The following PLAU variants were observed in gnomAD, a reference collection of about 807,000 sequenced individuals.
PLAU encodes plasminogen activator, urokinase.
In PLAU, 32 loss-of-function variants were observed where a neutral mutation model predicts 48.9. That is an observed-to-expected ratio of 0.65 (90% CI 0.49 to 0.88). The LOEUF (loss-of-function observed/expected upper bound fraction) is 0.88. PLAU is among the 40% of genes least tolerant of loss of function. The pLI is 0.00. For synonymous variants in PLAU, 199 were observed against 205.7 expected (o/e 0.97, Z 0.28); for missense variants, 455 against 545.2 (o/e 0.83, Z 1.65).
At position 73,911,457 on chromosome 10, in the gene PLAU, T is replaced by C. The variant is rs1004997060; in HGVS notation, c.-31-68T>C. 4 of 1,465,864 alleles carry C rather than the reference T, an allele frequency of 2.7e-6. No homozygotes were observed. In the African/African-American group the frequency reaches 4.2e-5, roughly 15 times the overall value. The allele number at this position is 1,465,864 out of a possible 1,614,324, so 90.8% of individuals were successfully genotyped here. ...GTCACCGCGGGCATCTCCCCTGCGC[T>C]GCAGTCGCCCGCCTGGCCTGCCTTC... On this transcript the variant is annotated intron_variant, in intron 1 of 10. Transcript: ENST00000372764.
chr10:73,915,213 A>C (rs2096133940), intron 9 of PLAU, 38 bp from the exon 10 acceptor site: 1 of 1,592,274 alleles, frequency 6.3e-7, no homozygotes, highest in African/African-American at 1.3e-5. Flanking sequence ...TGGACAGATA[A>C]ATCTTGATGC....
chr10:73,915,698 C>T (rs2096135316), intron 10 of PLAU, among the ~76,000 whole-genome samples: 1 of 152,036 alleles, frequency 6.6e-6, no homozygotes, highest in Non-Finnish European at 1.5e-5. Context: ...ATCAGGTGTT[C>T]AGGAGAGGGA....
At chr10:73,908,885 G>A (rs2096119660), upstream of PLAU, among the ~76,000 whole-genome samples, 1 of 151,828 alleles carries the variant, frequency 6.6e-6, no homozygotes, top group Admixed American at 6.6e-5. Flanking sequence ...AATATGGCTG[G>A]GCGTGGTGGC....
At chr10:73,912,849 C>CAA (rs61567551) in intron 4 of PLAU, 75 bp from the exon 5 acceptor site, 36,081 of 1,007,696 alleles carry the variant, frequency 0.036, 1 homozygote, top group Non-Finnish European at 0.044. Context: ...GACTCCATCT[C>CAA]AAAAAAAAAA....
chr10:73,914,014 C>A lies in PLAU; in HGVS notation c.715C>A (p.Leu239Met). 1 of 1,613,880 alleles carries A rather than the reference C, an allele frequency of 6.2e-7. No homozygotes were observed. The change falls in exon 8 of 11, where the codon CTG becomes ATG. Residue 239 changes from leucine (L) to methionine (M), a missense_variant. By Grantham distance (15) the Leu-to-Met change is conservative (BLOSUM62 2). Coordinates refer to ENST00000372764, the MANE Select transcript of PLAU (RefSeq NM_002658.6). ...AAAGAAGGAGGACTACATCGTCTAC[C>A]TGGGTCGCTCAAGGCTTAACTCCAA... ...YPKKEDYIVY[L>M]GRSRLNSNTQ...
Position 73,916,563 on chromosome 10 carries a change from T to G in PLAU, c.1294T>G (p.Ter432GlyextTer51). 3.1e-6 allele frequency: 5 copies of G among 1,606,198 alleles called. No homozygotes were observed. Among genetic ancestry groups the G allele is most frequent in the Non-Finnish European group, 4.3e-6 (5 of 1,174,806 alleles). Residue 432 changes from the stop codon to glycine, a stop_lost, in exon 11 of 11, where the codon TGA (stop) becomes GGA (glycine). Coordinates refer to ENST00000372764, the MANE Select transcript of PLAU (RefSeq NM_002658.6). ...CAAGGAAGAGAATGGCCTGGCCCTC[T>G]GAGGGTCCCCAGGGAGGAAACGGGC... ...HTKEENGLAL[*>G]
At chr10:73,915,658 G>A (rs141806757) in intron 10 of PLAU, among the ~76,000 whole-genome samples, 1 of 152,324 alleles carries the variant, frequency 6.6e-6, no homozygotes, top group Non-Finnish European at 1.5e-5. Context: ...ATGTAACTCA[G>A]TGCCCAGGGT....
upstream of PLAU, chr10:73,911,069 CG>C (rs1341971216): frequency 6.4e-6 from 1 of 156,870 alleles, no homozygotes; most frequent in Non-Finnish European, 1.4e-5. Context: ...GGGAGCCGGG[CG>C]GGAGAGGGAG....
Position 73,912,572 on chromosome 10 carries a change from C to T in PLAU, c.193+250C>T, listed in dbSNP as rs554166865. On this transcript the variant is annotated intron_variant, in intron 4 of 10. Coordinates refer to ENST00000372764, the MANE Select transcript of PLAU (RefSeq NM_002658.6). ...CATCTTTAAAATGTCCGTTGGCAGC[C>T]GGGCATGGTGGCTCACGCTTGTAAT... 9.2e-5 allele frequency among the ~76,000 whole-genome samples: 14 copies of T among 152,110 alleles called. No homozygotes were observed. The South Asian group carries it at 2.1e-3, about 23-fold the overall frequency.
intron 1 of PLAU, 44 bp downstream of exon 1, chr10:73,911,262 G>T (rs1291541069): frequency 1.4e-5 from 7 of 485,092 alleles, no homozygotes; most frequent in Non-Finnish European, 2.6e-5. Flanking sequence ...ATGCGCGGCG[G>T]CCCCAGCTCC....
rs1381444524 is a variant in PLAU at position 73,917,162 on chromosome 10, T to A, written c.*597T>A. 6.5e-6 allele frequency: 1 copy of A among 153,596 alleles called. No individual in the cohort carries two copies. Among genetic ancestry groups the A allele is most frequent in the Non-Finnish European group, 1.5e-5 (1 of 68,694 alleles). The allele number at this position is 153,596 out of a possible 1,614,324, so 9.5% of individuals were successfully genotyped here. On this transcript the variant is annotated 3_prime_UTR_variant, in exon 11 of 11. Transcript: ENST00000372764. ...CTGGTGTCTGATTGTTAAGTCTAAA[T>A]ATTTCCTTAAACTGTGTGGACTGTG...
intron 2 of PLAU, 133 bp from the exon 3 acceptor site, chr10:73,911,908 G>C (rs758106450): frequency 1.3e-6 from 2 of 1,584,448 alleles, no homozygotes; most frequent in South Asian, 2.3e-5. Flanking sequence ...TTCCATTTGA[G>C]AACTAGATAC....
At chr10:73,911,945 G>T in intron 2 of PLAU, 96 bp from the exon 3 acceptor site, 1 of 1,612,736 alleles carries the variant, frequency 6.2e-7, no homozygotes. Flanking sequence ...GAGGGAGAGG[G>T]AAGAGTGGGT....
rs76807842 is a variant in PLAU at position 73,911,945 on chromosome 10, G to A, written c.58-96G>A. 8.9e-4 allele frequency: 1,433 copies of A among 1,612,736 alleles called. 7 individuals carry two copies. The African/African-American group carries it at 0.017, about 19-fold the overall frequency. ...AACAGGGTGAGGCGAGAGGGAGAGG[G>A]AAGAGTGGGTTTTGGGATTGGGGCC... On this transcript the variant is annotated intron_variant, in intron 2 of 10. Transcript: ENST00000372764.
At chr10:73,911,388 C>T (rs2096123578) in intron 1 of PLAU, 137 bp from the exon 2 acceptor site, 11 of 946,268 alleles carry the variant, frequency 1.2e-5, no homozygotes, top group Non-Finnish European at 1.6e-5. Flanking sequence ...CCAGGCTGCC[C>T]GGAGTCCGGA....
Position 73,912,260 on chromosome 10 carries a change from A to G in PLAU, c.131A>G (p.Tyr44Cys), listed in dbSNP as rs374232402. 50 of 1,613,986 alleles carry G rather than the reference A, an allele frequency of 3.1e-5. No homozygotes were observed. Among genetic ancestry groups the G allele is most frequent in the African/African-American group, 2.7e-5 (2 of 74,896 alleles). ...GGAGGAACATGTGTGTCCAACAAGT[A>G]CTTCTCCAACATTCACTGGTGCAAC... ...LNGGTCVSNKYFSNIHWCNCP... is the reference protein window; with the variant it reads ...LNGGTCVSNKCFSNIHWCNCP... Residue 44 changes from tyrosine to cysteine, a missense_variant, in exon 4 of 11, where the codon TAC becomes TGC. Coordinates refer to ENST00000372764, the MANE Select transcript of PLAU (RefSeq NM_002658.6).
At chr10:73,910,712 C>T (rs2096122074), upstream of PLAU, 1 of 152,268 alleles carries the variant, frequency 6.6e-6, no homozygotes, top group African/African-American at 2.4e-5. Context: ...CTTCACAGCT[C>T]CATCAGCTGC....
chr10:73,911,965 G>A, intron 2 of PLAU, 76 bp from the exon 3 acceptor site: 2 of 1,614,008 alleles, frequency 1.2e-6, no homozygotes, highest in Non-Finnish European at 1.7e-6. Flanking sequence ...TTTTGGGATT[G>A]GGGCCAGTTT....
rs776150636 is a variant in PLAU at position 73,913,726 on chromosome 10, T to A, written c.648T>A (p.Pro216=). ...TGTGTGGAGGCAGCCTCATCAGCCC[T>A]TGCTGGGTGATCAGCGCCACACACT... ...TYVCGGSLIS[P]CWVISATHCF... Residue 216 remains proline (P), a synonymous_variant, in exon 7 of 11, where the codon CCT becomes CCA. Coordinates refer to ENST00000372764, the MANE Select transcript of PLAU (RefSeq NM_002658.6). The A allele has an allele frequency of 2.5e-6, 4 of 1,609,754 alleles. No individual in the cohort carries two copies. In the South Asian group the frequency reaches 4.4e-5, roughly 18 times the overall value.
Sources: gnomAD v4.1 joint callset for allele counts (sites outside exome capture counted in the v4.1 genomes callset) on GRCh38, gnomAD v4.1.1 for gene constraint, MANE v1.5 for transcripts, NCBI Gene and HGNC (gene_info 2026-07-23, HGNC 2026-07-21) for gene names.